Variants in EXOC2 observed in about 807,000 individuals in gnomAD.
The protein encoded by EXOC2 is SEC5-like 1.
In EXOC2, 70 loss-of-function variants were observed where a neutral mutation model predicts 131.8. That is an observed-to-expected ratio of 0.53 (90% CI 0.44 to 0.65). The LOEUF (loss-of-function observed/expected upper bound fraction) is 0.65, where lower values mean the gene tolerates loss of function less well. Ranked by LOEUF, EXOC2 falls within the 30% of genes least tolerant of loss-of-function variation. The probability of loss-of-function intolerance (pLI) is 0.00; values close to 1 mark genes in which losing one functional copy is unlikely to be tolerated. For synonymous variants in EXOC2, 411 were observed against 398.4 expected (o/e 1.03, Z -0.38); for missense variants, 923 against 1,108.6 (o/e 0.83, Z 2.38).
chr6:530,410 C>A (rs1766007251), intron 23 of EXOC2, among the ~76,000 whole-genome samples: 1 of 152,226 alleles, frequency 6.6e-6, no homozygotes, highest in African/African-American at 2.4e-5. Context: ...ACCCAAATGA[C>A]GGCCTTGTGC....
intron 1 of EXOC2, chr6:656,959 G>C (rs1561981183): frequency 4.0e-6 from 6 of 1,504,238 alleles, no homozygotes; most frequent in Non-Finnish European, 5.4e-6. Flanking sequence ...CCACAGGGAA[G>C]GCAGCTGGGG....
chr6:497,296 G>C, intron 25 of EXOC2, 71 bp downstream of exon 25: 2 of 1,437,534 alleles, frequency 1.4e-6, no homozygotes, highest in Non-Finnish European at 1.9e-6. Context: ...TCATAAGATT[G>C]ATGACTAAAA....
chr6:679,523 T>C (rs543093866), intron 1 of EXOC2: 76 of 152,252 alleles, frequency 5.0e-4, no homozygotes, highest in African/African-American at 1.8e-3. Flanking sequence ...CTCTGAAAAA[T>C]AATTCGGCCA....
intron 1 of EXOC2, among the ~76,000 whole-genome samples, chr6:683,957 T>C (rs1225919549): frequency 6.6e-6 from 1 of 152,210 alleles, no homozygotes; most frequent in East Asian, 1.9e-4. Flanking sequence ...TTGAAGCTGC[T>C]AGCTATGGAA....
intron 22 of EXOC2, among the ~76,000 whole-genome samples, chr6:542,932 AG>A (rs1756639203): frequency 6.6e-6 from 1 of 152,224 alleles, no homozygotes; most frequent in Admixed American, 6.5e-5. Context: ...GGCAGTACGG[AG>A]TCCTGAAACA....
At chr6:657,129 A>T (rs1042471625) in intron 1 of EXOC2, 1 of 440,814 alleles carries the variant, frequency 2.3e-6, no homozygotes, top group African/African-American at 2.0e-5. Flanking sequence ...CTAGGCCTGG[A>T]GCCACGGAAG....
chr6:632,863 G>C (rs548696801), intron 3 of EXOC2, 78 bp downstream of exon 3: 1 of 1,407,910 alleles, frequency 7.1e-7, no homozygotes, highest in Non-Finnish European at 9.6e-7. Flanking sequence ...GGTTTTACAC[G>C]AATCTACCAG....
At chr6:566,362 G>C (rs1288468191) in intron 13 of EXOC2, among the ~76,000 whole-genome samples, 1 of 152,212 alleles carries the variant, frequency 6.6e-6, no homozygotes, top group Non-Finnish European at 1.5e-5. Context: ...ATGTTGCAGT[G>C]GCCCAGGTGA....
chr6:543,854 A>G (rs989314692), intron 22 of EXOC2, among the ~76,000 whole-genome samples: 3 of 152,162 alleles, frequency 2.0e-5, no homozygotes, highest in African/African-American at 7.2e-5. Flanking sequence ...TCTCGATGGA[A>G]ACTTCCAGGG....
intron 13 of EXOC2, among the ~76,000 whole-genome samples, chr6:568,025 G>A (rs1170493420): frequency 6.6e-6 from 1 of 152,208 alleles, no homozygotes; most frequent in African/African-American, 2.4e-5. Context: ...TTTGCTTGTT[G>A]AATTCAGACA....
At chr6:622,412 CT>C (rs2127686305) in intron 4 of EXOC2, among the ~76,000 whole-genome samples, 1 of 152,328 alleles carries the variant, frequency 6.6e-6, no homozygotes, top group South Asian at 2.1e-4. Flanking sequence ...AGTCAAACAG[CT>C]TCTGTGCCCC....
intron 21 of EXOC2, 90 bp from the exon 22 acceptor site, chr6:549,381 G>A (rs1037229453): frequency 3.3e-6 from 3 of 906,130 alleles, no homozygotes; most frequent in Non-Finnish European, 3.5e-6. Flanking sequence ...TATAATCTCT[G>A]CTCTTTAACG....
At chr6:619,406 G>A in intron 5 of EXOC2, 24 bp downstream of exon 5, 1 of 1,571,148 alleles carries the variant, frequency 6.4e-7, no homozygotes, top group Non-Finnish European at 8.8e-7. Flanking sequence ...ACCCTTCACA[G>A]TTGACAGTCC....
intron 1 of EXOC2, among the ~76,000 whole-genome samples, chr6:668,522 C>T (rs1259230712): frequency 1.3e-5 from 2 of 152,212 alleles, no homozygotes; most frequent in African/African-American, 2.4e-5. Context: ...TAACTTCCAC[C>T]ATTCACCCAT....
chr6:526,291 A>T (rs1474510507), intron 23 of EXOC2, among the ~76,000 whole-genome samples: 2 of 152,180 alleles, frequency 1.3e-5, no homozygotes, highest in Non-Finnish European at 2.9e-5. Context: ...ATAAAATGAT[A>T]CCCTAATGGT....
In EXOC2 at chr6:598,917, C is replaced by T; in HGVS notation, c.913G>A (p.Asp305Asn). Residue 305 changes from aspartate to asparagine, a missense_variant, in exon 9 of 28, where the codon GAT (aspartate) becomes AAT (asparagine). Transcript: ENST00000230449. Reference sequence around the variant, plus strand: ...AAAAGTGACTTGGCCTTTTCATAATCATTAATAACCACATCATAATCACCC... The same window carrying T: ...AAAAGTGACTTGGCCTTTTCATAATTATTAATAACCACATCATAATCACCC... ...QKGDYDVVIN[D>N]YEKAKSLFGK... 3.1e-6 allele frequency: 5 copies of T among 1,610,118 alleles called. No homozygotes were observed. Among genetic ancestry groups the T allele is most frequent in the Non-Finnish European group, 4.2e-6 (5 of 1,179,006 alleles).
At chr6:595,527 G>A (rs111999239) in intron 10 of EXOC2, among the ~76,000 whole-genome samples, 1,822 of 152,016 alleles carry the variant, frequency 0.012, 70 homozygotes, top group African/African-American at 0.041. Context: ...AGGAAAAATC[G>A]TAGTTAAAAG....
At chr6:549,409 G>A in intron 21 of EXOC2, 118 bp from the exon 22 acceptor site, 1 of 669,642 alleles carries the variant, frequency 1.5e-6, no homozygotes, top group Non-Finnish European at 2.5e-6. Flanking sequence ...CCAATGCTTT[G>A]CTTTTCTTGG....
chr6:565,236 G>T (rs765675346), intron 13 of EXOC2, among the ~76,000 whole-genome samples: 1 of 152,058 alleles, frequency 6.6e-6, no homozygotes, highest in Non-Finnish European at 1.5e-5. Flanking sequence ...ATGTCGTATG[G>T]TTAAACCATC....
Sources: gnomAD v4.1 joint callset for allele counts (sites outside exome capture counted in the v4.1 genomes callset) on GRCh38, gnomAD v4.1.1 for gene constraint, MANE v1.5 for transcripts, NCBI Gene and HGNC (gene_info 2026-07-23, HGNC 2026-07-21) for gene names.